Variants in ROR1 observed in about 807,000 individuals in gnomAD.
The protein encoded by ROR1 is ROR family WNT receptor 1, also known as inactive tyrosine-protein kinase transmembrane receptor ROR1.
In ROR1, 19 loss-of-function variants were observed where a neutral mutation model predicts 78.8. That is an observed-to-expected ratio of 0.24 (90% CI 0.17 to 0.35). ROR1 has a LOEUF of 0.35. ROR1 is among the 10% of genes least tolerant of loss of function. The pLI, the probability that ROR1 is intolerant of heterozygous loss-of-function variation, is 1.00. For synonymous variants in ROR1, 386 were observed against 433.6 expected, an observed-to-expected ratio of 0.89 and a Z score of 1.36; for missense variants, 917 against 1,177.8, an observed-to-expected ratio of 0.78 and a Z score of 3.24.
intron 8 of ROR1, among the ~76,000 whole-genome samples, chr1:64,165,953 G>A (rs1173991259): frequency 6.6e-6 from 1 of 152,054 alleles, no homozygotes; most frequent in African/African-American, 2.4e-5. Context: ...TGATTCACCT[G>A]CCTTGGCCTC....
intron 1 of ROR1, among the ~76,000 whole-genome samples, chr1:63,895,307 C>T (rs1271443463): frequency 6.6e-6 from 1 of 152,164 alleles, no homozygotes; most frequent in Non-Finnish European, 1.5e-5. Context: ...CATTTTTCTT[C>T]ATTGTCTCTG....
intron 2 of ROR1, among the ~76,000 whole-genome samples, chr1:64,020,634 A>C (rs1646557280): frequency 6.6e-6 from 1 of 152,192 alleles, no homozygotes; most frequent in African/African-American, 2.4e-5. Flanking sequence ...GCTGAGGTAG[A>C]GGTCAGCTCT....
chr1:63,815,031 C>T (rs1414681419), intron 1 of ROR1, among the ~76,000 whole-genome samples: 1 of 152,184 alleles, frequency 6.6e-6, no homozygotes, highest in Non-Finnish European at 1.5e-5. Flanking sequence ...ATTGCCTTCA[C>T]TTTTTGCCTA....
intron 4 of ROR1, among the ~76,000 whole-genome samples, chr1:64,052,789 G>A (rs866011946): frequency 3.3e-5 from 5 of 152,090 alleles, no homozygotes; most frequent in Admixed American, 2.0e-4. Flanking sequence ...ATCCCATGGG[G>A]CCTTTTGCAG....
chr1:64,089,884 C>A (rs1647181531), intron 4 of ROR1, among the ~76,000 whole-genome samples: 1 of 152,096 alleles, frequency 6.6e-6, no homozygotes, highest in Non-Finnish European at 1.5e-5. Context: ...ATCGTCGGGG[C>A]AGTTTCCCCC....
chr1:63,822,578 C>A (rs1048375984), intron 1 of ROR1, among the ~76,000 whole-genome samples: 8 of 152,024 alleles, frequency 5.3e-5, no homozygotes, highest in Admixed American at 5.2e-4. Flanking sequence ...CATGTAAATA[C>A]CTGATTTTAA....
chr1:63,809,826 AT>A (rs1644849932), intron 1 of ROR1, among the ~76,000 whole-genome samples: 1 of 152,196 alleles, frequency 6.6e-6, no homozygotes, highest in African/African-American at 2.4e-5. Flanking sequence ...GACATTTAAC[AT>A]TTTAGGTTTT....
At chr1:64,070,924 G>T (rs573059027) in intron 4 of ROR1, among the ~76,000 whole-genome samples, 1 of 152,312 alleles carries the variant, frequency 6.6e-6, no homozygotes, top group African/African-American at 2.4e-5. Flanking sequence ...GGTGAGTAAA[G>T]GTTTTCTGCC....
At chr1:64,049,612 A>T in intron 2 of ROR1, 79 bp from the exon 3 acceptor site, 1 of 1,259,774 alleles carries the variant, frequency 7.9e-7, no homozygotes, top group Non-Finnish European at 1.1e-6. Context: ...TCCCAAGGGT[A>T]CACTGGAGGG....
chr1:64,010,989 A>G (rs766283183), intron 2 of ROR1, among the ~76,000 whole-genome samples: 3 of 152,178 alleles, frequency 2.0e-5, no homozygotes, highest in Non-Finnish European at 4.4e-5. Flanking sequence ...AGAACAAACT[A>G]ATACATCTAC....
At position 64,159,157 on chromosome 1, in the gene ROR1, G is replaced by A. The variant is rs753197736; in HGVS notation, c.1351G>A (p.Val451Ile). Residue 451 changes from valine to isoleucine, a missense_variant, in exon 8 of 9, where the codon GTA becomes ATA. Around this residue, in one of 3 missense-constraint regions of ROR1, gnomAD observed 835 missense variants for 1,069.8 expected, o/e 0.78. Transcript: ENST00000371079. The stretch of plus-strand genomic sequence containing the variant: ...ACCAAAACACGTCAGAGGTCAAAAT[G>A]TAGAGATGTCAATGCTGAATGCATA... ...RQPKHVRGQN[V>I]EMSMLNAYKP... 1.9e-6 allele frequency: 3 copies of A among 1,613,992 alleles called. No individual in the cohort carries two copies. The highest frequency in any genetic ancestry group is 2.2e-5 in the South Asian group (2 of 91,076).
chr1:63,925,612 T>C (rs1645696146), intron 1 of ROR1, among the ~76,000 whole-genome samples: 1 of 151,914 alleles, frequency 6.6e-6, no homozygotes, highest in Non-Finnish European at 1.5e-5. Flanking sequence ...ATGGTTGAAC[T>C]AGTTTACAGT....
chr1:64,051,469 A>G (rs1646830630), intron 4 of ROR1, among the ~76,000 whole-genome samples: 1 of 141,038 alleles, frequency 7.1e-6, no homozygotes, highest in African/African-American at 3.0e-5. Flanking sequence ...AAATAAAATA[A>G]AATAAAATAA....
intron 4 of ROR1, among the ~76,000 whole-genome samples, chr1:64,131,443 G>A (rs1648908537): frequency 6.6e-6 from 1 of 152,060 alleles, no homozygotes; most frequent in Admixed American, 6.5e-5. Context: ...CTGCTTGGAA[G>A]TGACTTACAA....
At chr1:63,792,534 G>A (rs1412647082) in intron 1 of ROR1, among the ~76,000 whole-genome samples, 1 of 152,192 alleles carries the variant, frequency 6.6e-6, no homozygotes, top group African/African-American at 2.4e-5. Context: ...GGCCTGGCCT[G>A]CTACTCATCT....
chr1:63,995,636 A>G (rs1646330731), intron 1 of ROR1, among the ~76,000 whole-genome samples: 1 of 152,192 alleles, frequency 6.6e-6, no homozygotes, highest in Admixed American at 6.5e-5. Context: ...TTGTCAATCT[A>G]TGGCTTTAGA....
chr1:63,831,130 A>T (rs1254715502), intron 1 of ROR1, among the ~76,000 whole-genome samples: 1 of 152,156 alleles, frequency 6.6e-6, no homozygotes, highest in African/African-American at 2.4e-5. Flanking sequence ...AGCTGCTTTC[A>T]TGGGCTGGCA....
intron 1 of ROR1, among the ~76,000 whole-genome samples, chr1:63,817,062 T>C (rs1644896467): frequency 6.6e-6 from 1 of 152,252 alleles, no homozygotes; most frequent in Non-Finnish European, 1.5e-5. Flanking sequence ...CTTCTCTGTA[T>C]ATTTAAGAGG....
intron 1 of ROR1, among the ~76,000 whole-genome samples, chr1:63,976,974 T>C (rs1270642570): frequency 6.6e-6 from 1 of 152,190 alleles, no homozygotes; most frequent in East Asian, 1.9e-4. Flanking sequence ...TCCGCATATC[T>C]GGGGAAGCCT....
Sources: gnomAD v4.1 joint callset for allele counts (sites outside exome capture counted in the v4.1 genomes callset) on GRCh38, gnomAD v4.1.1 for gene constraint, gnomAD v4.1.1 regional missense constraint, MANE v1.5 for transcripts, NCBI Gene and HGNC (gene_info 2026-07-23, HGNC 2026-07-21) for gene names.